The following NRG4 variants were observed in gnomAD, a reference collection of about 807,000 sequenced individuals.
NRG4 encodes neuregulin 4.
NRG4 carries 10 observed loss-of-function variants against 15.0 expected under a neutral mutation model. The observed-to-expected ratio is 0.67, with a 90% confidence interval of 0.41 to 1.13. The LOEUF (loss-of-function observed/expected upper bound fraction) is 1.13. NRG4 is among the 50% of genes most tolerant of loss of function. The pLI, the probability that NRG4 is intolerant of heterozygous loss-of-function variation, is 0.00. For missense variants in NRG4, 139 were observed against 140.2 expected (o/e 0.99, Z 0.04); for synonymous variants, 41 against 50.1 (o/e 0.82, Z 0.77).
intron 3 of NRG4, among the ~76,000 whole-genome samples, chr15:76,000,701 T>C (rs537668393): frequency 6.6e-6 from 1 of 152,320 alleles, no homozygotes; most frequent in Non-Finnish European, 1.5e-5. Flanking sequence ...ATTTCATACA[T>C]GTGCAGATTT....
chr15:75,992,642 C>T (rs1447006367), intron 3 of NRG4, among the ~76,000 whole-genome samples: 1 of 152,142 alleles, frequency 6.6e-6, no homozygotes, highest in Non-Finnish European at 1.5e-5. Flanking sequence ...CGTCCATGAG[C>T]AATCAATCGC....
intron 5 of NRG4, chr15:75,945,648 GTGATAATTC>G (rs1434352806): frequency 6.6e-6 from 1 of 152,174 alleles, no homozygotes; most frequent in Non-Finnish European, 1.5e-5. Flanking sequence ...CTCCTGATAA[GTGATAATTC>G]TGAGCACAAT....
Position 75,943,255 on chromosome 15 carries a change from C to T in NRG4, c.*383G>A, listed in dbSNP as rs1395805893. 5.6e-6 allele frequency: 1 copy of T among 177,242 alleles called. No homozygotes were observed. The highest frequency in any genetic ancestry group is 1.2e-5 in the Non-Finnish European group (1 of 85,122). 11.0% of individuals were successfully genotyped at this position (177,242 alleles called of 1,614,324 possible). A position where few individuals can be genotyped will look rare whatever the true frequency, so the allele number is the denominator to read the frequency against. ...CAGGAATGAGGTGGTTTTGAAGCCA[C>T]TAAGCCAGCTACTCCTTGCATTTAA... On this transcript the variant is annotated 3_prime_UTR_variant, in exon 6 of 6. Coordinates refer to ENST00000394907, the MANE Select transcript of NRG4 (RefSeq NM_138573.4).
At chr15:76,009,998 C>T (rs1474225572) in intron 2 of NRG4, among the ~76,000 whole-genome samples, 5 of 152,006 alleles carry the variant, frequency 3.3e-5, no homozygotes, top group Admixed American at 3.3e-4. Context: ...TTTCCTCTTT[C>T]CTCAGCCTCA....
chr15:76,039,524 GAC>G (rs1372059243), intron 4 of NRG4, among the ~76,000 whole-genome samples: 2 of 152,124 alleles, frequency 1.3e-5, no homozygotes, highest in Non-Finnish European at 2.9e-5. Context: ...TCAAGCATAA[GAC>G]AGAATTTGTG....
intron 4 of NRG4, among the ~76,000 whole-genome samples, chr15:76,042,282 A>G (rs947816663): frequency 1.3e-5 from 2 of 152,148 alleles, no homozygotes; most frequent in Non-Finnish European, 2.9e-5. Flanking sequence ...ATAGAAAAGC[A>G]AAAGCAAACC....
At position 75,977,330 on chromosome 15, in the gene NRG4, C is replaced by T. The variant is rs367745397; in HGVS notation, c.105-15356G>A. The stretch of plus-strand genomic sequence containing the variant: ...TCAGCCCCCTTTCCAGGGGAGTGAA[C>T]GGTTCTGTCTCACTGGTGTTGCAGG... On this transcript the variant is annotated intron_variant, in intron 3 of 5. Coordinates refer to ENST00000394907, the MANE Select transcript of NRG4 (RefSeq NM_138573.4). This position sits in a 1 kb window ranked among gnomAD's most constrained non-coding sequence, Gnocchi z 4.9. Among the ~76,000 whole-genome samples the T allele has an allele frequency of 1.3e-5, 2 of 152,246 alleles. No individual in the cohort carries two copies. The highest frequency in any genetic ancestry group is 2.4e-5 in the African/African-American group (1 of 41,562).
chr15:76,020,979 AAC>A (rs1381039504), intron 5 of NRG4, among the ~76,000 whole-genome samples: 1 of 152,240 alleles, frequency 6.6e-6, no homozygotes, highest in Non-Finnish European at 1.5e-5. Flanking sequence ...TTCACTGTAG[AAC>A]AACCTTCTAG....
At chr15:75,999,647 C>T (rs184251260) in intron 3 of NRG4, among the ~76,000 whole-genome samples, 1 of 152,260 alleles carries the variant, frequency 6.6e-6, no homozygotes, top group Non-Finnish European at 1.5e-5. Context: ...TATAAATTAT[C>T]CAGTCTCAAG....
At chr15:75,993,794 T>C (rs1464648705) in intron 3 of NRG4, among the ~76,000 whole-genome samples, 1 of 152,152 alleles carries the variant, frequency 6.6e-6, no homozygotes, top group East Asian at 1.9e-4. Flanking sequence ...TTAAGCCCAC[T>C]CAGAAATTTT....
At chr15:76,009,523 G>A (rs924386904) in intron 2 of NRG4, among the ~76,000 whole-genome samples, 2 of 152,044 alleles carry the variant, frequency 1.3e-5, no homozygotes, top group African/African-American at 4.8e-5. Flanking sequence ...ACTATAATGG[G>A]TTTAGACATT....
At chr15:76,026,923 C>T (rs781737786) in intron 5 of NRG4, among the ~76,000 whole-genome samples, 5 of 152,042 alleles carry the variant, frequency 3.3e-5, no homozygotes, top group African/African-American at 9.7e-5. Context: ...GAGATTGAGA[C>T]CATCCTGGCT....
intron 4 of NRG4, among the ~76,000 whole-genome samples, chr15:75,957,560 CA>C (rs2032298804): frequency 5.7e-4 from 2 of 3,514 alleles, no homozygotes; most frequent in Non-Finnish European, 0.013. Flanking sequence ...TCTACAATTT[CA>C]CTGTTGCACC....
chr15:75,977,458 G>A lies in NRG4; in HGVS notation c.105-15484C>T, dbSNP rs901008252. Among the ~76,000 whole-genome samples, 10 of 152,198 alleles carry A rather than the reference G, an allele frequency of 6.6e-5. No individual in the cohort carries two copies. Among genetic ancestry groups the A allele is most frequent in the African/African-American group, 2.4e-4 (10 of 41,434 alleles). On this transcript the variant is annotated intron_variant, in intron 3 of 5. Coordinates refer to ENST00000394907, the MANE Select transcript of NRG4 (RefSeq NM_138573.4). The surrounding 1 kb of genome is among the most constrained non-coding windows in gnomAD (Gnocchi z 4.9). ...CAGGGCCCTGGTGGTGTAGGCACCC[G>A]AGGGAATCTCCTGGTCTGCGGGTTG...
chr15:76,022,563 TA>T (rs1210667618), intron 5 of NRG4, among the ~76,000 whole-genome samples: 1 of 152,060 alleles, frequency 6.6e-6, no homozygotes, highest in Non-Finnish European at 1.5e-5. Context: ...ACAGCATGTC[TA>T]AAGGTATAAA....
chr15:76,025,655 C>T (rs1269295373), intron 5 of NRG4, among the ~76,000 whole-genome samples: 1 of 152,040 alleles, frequency 6.6e-6, no homozygotes, highest in Admixed American at 6.6e-5. Context: ...ACTGGTAGAT[C>T]ACTTGAGGTC....
intron 4 of NRG4, among the ~76,000 whole-genome samples, chr15:76,049,081 C>T (rs1202995346): frequency 6.7e-6 from 1 of 150,242 alleles, no homozygotes; most frequent in Admixed American, 6.6e-5. Context: ...ATATGTCTGT[C>T]AACATTGTTC....
intron 4 of NRG4, among the ~76,000 whole-genome samples, chr15:76,044,844 A>G (rs2035833018): frequency 6.7e-6 from 1 of 149,618 alleles, no homozygotes; most frequent in Admixed American, 6.6e-5. Flanking sequence ...CTGTCTCAAA[A>G]AAAAAAAAAA....
intron 1 of NRG4, among the ~76,000 whole-genome samples, chr15:76,011,769 G>A (rs948029060): frequency 6.6e-6 from 1 of 151,892 alleles, no homozygotes; most frequent in Non-Finnish European, 1.5e-5. Context: ...TGATAGGTGC[G>A]GCAAACCACC....
Sources: gnomAD v4.1 joint callset for allele counts (sites outside exome capture counted in the v4.1 genomes callset) on GRCh38, gnomAD v4.1.1 for gene constraint, Gnocchi (gnomAD v3.1) non-coding constraint, MANE v1.5 for transcripts, NCBI Gene and HGNC (gene_info 2026-07-23, HGNC 2026-07-21) for gene names.